MAML2: variants seen among roughly 807,000 people sequenced by gnomAD.
MAML2 encodes mastermind-like protein 2.
In MAML2, 22 loss-of-function variants were observed where a neutral mutation model predicts 96.1. The ratio of observed to expected loss-of-function variants is 0.23; its 90% CI spans 0.16 to 0.33. MAML2 has a LOEUF of 0.33. Ranked by LOEUF, MAML2 falls within the 10% of genes least tolerant of loss-of-function variation. MAML2 has a pLI of 1.00. For synonymous variants in MAML2, 561 were observed against 521.3 expected (o/e 1.08, Z -1.04); for missense variants, 1,367 against 1,392.4 (o/e 0.98, Z 0.29).
rs772854082 is a variant in MAML2 at position 96,092,691 on chromosome 11, G to A, written c.1340C>T (p.Ala447Val). Residue 447 changes from alanine (A) to valine (V), a missense_variant, in exon 2 of 5, where the codon GCC becomes GTC. Transcript: ENST00000524717. The surrounding 1 kb of genome is among the most constrained non-coding windows in gnomAD (Gnocchi z 4.1). ...KQIAANRQQH[A>V]RMQQHQQQHQ... Reference sequence around the variant, plus strand: ...CTGCTGCTGGTGCTGCTGCATCCGGGCATGCTGCTGACGATTAGCAGCTAT... The same window carrying A: ...CTGCTGCTGGTGCTGCTGCATCCGGACATGCTGCTGACGATTAGCAGCTAT... The A allele has an allele frequency of 6.8e-6, 11 of 1,613,900 alleles. No homozygotes were observed. Among genetic ancestry groups the A allele is most frequent in the Non-Finnish European group, 9.3e-6 (11 of 1,179,914 alleles).
At chr11:96,062,141 G>T (rs1204809899) in intron 2 of MAML2, among the ~76,000 whole-genome samples, 1 of 152,080 alleles carries the variant, frequency 6.6e-6, no homozygotes, top group Non-Finnish European at 1.5e-5. Context: ...TGAAAGGGAA[G>T]GTTGGAGTAT....
chr11:96,107,760 A>G (rs190853044), intron 1 of MAML2, among the ~76,000 whole-genome samples: 116 of 152,250 alleles, frequency 7.6e-4, no homozygotes, highest in African/African-American at 2.8e-3. Flanking sequence ...AACCACGTCT[A>G]TGTAATGAGG....
At chr11:96,255,363 A>C (rs964535846) in intron 1 of MAML2, among the ~76,000 whole-genome samples, 15 of 152,214 alleles carry the variant, frequency 9.9e-5, no homozygotes, top group African/African-American at 3.6e-4. Flanking sequence ...CAACCTTTTC[A>C]GGTGTTATCC....
chr11:96,245,604 C>T (rs750887952), intron 1 of MAML2, among the ~76,000 whole-genome samples: 17 of 152,104 alleles, frequency 1.1e-4, no homozygotes, highest in Non-Finnish European at 2.4e-4. Flanking sequence ...ATCTGAAATG[C>T]ACCACGTTTG....
At chr11:96,204,245 G>A (rs1861866046) in intron 1 of MAML2, among the ~76,000 whole-genome samples, 1 of 152,218 alleles carries the variant, frequency 6.6e-6, no homozygotes, top group Non-Finnish European at 1.5e-5. Context: ...GCCCACCCAA[G>A]TTAATTAAAT....
At chr11:96,143,418 C>T (rs1346322931) in intron 1 of MAML2, among the ~76,000 whole-genome samples, 1 of 152,148 alleles carries the variant, frequency 6.6e-6, no homozygotes, top group Non-Finnish European at 1.5e-5. Context: ...GCTCTTGCTC[C>T]TATTATTATG....
intron 1 of MAML2, among the ~76,000 whole-genome samples, chr11:96,146,269 T>G (rs1010459363): frequency 3.9e-5 from 6 of 152,268 alleles, no homozygotes; most frequent in Admixed American, 2.0e-4. Flanking sequence ...AGGAATTCCA[T>G]CTCTTGGGAT....
At position 96,341,728 on chromosome 11, in the gene MAML2, T is replaced by C. The variant is rs766283585; in HGVS notation, c.168A>G (p.Gly56=). The change falls in exon 1 of 5, where the codon GGA becomes GGG. Residue 56 remains glycine, a synonymous_variant. Coordinates refer to ENST00000524717, the MANE Select transcript of MAML2 (RefSeq NM_032427.4). ...VCRQHHLSCE[G]RYERGRAESS... ...TCTCGGCCCTACCTCGTTCATATCG[T>C]CCTTCACAGCTCAGGTGGTGTTGGC... is the stretch of plus-strand genomic sequence containing the variant. 5.1e-5 allele frequency: 83 copies of C among 1,613,060 alleles called. No homozygotes were observed. The East Asian group carries it at 1.2e-3, about 24-fold the overall frequency.
At chr11:96,339,478 C>T (rs1863961992) in intron 1 of MAML2, among the ~76,000 whole-genome samples, 1 of 152,212 alleles carries the variant, frequency 6.6e-6, no homozygotes, top group Non-Finnish European at 1.5e-5. Flanking sequence ...AAACATGCCA[C>T]CTTTCCTTCA....
Position 96,166,171 on chromosome 11 carries a change from T to TCA in MAML2, c.514-72655_514-72654insTG, listed in dbSNP as rs776905938. Among the ~76,000 whole-genome samples the TCA allele has an allele frequency of 2.8e-3, 324 of 117,752 alleles. 2 individuals carry two copies. Among genetic ancestry groups the TCA allele is most frequent in the Admixed American group, 0.016 (198 of 12,024 alleles). 77.2% of individuals were successfully genotyped at this position (117,752 alleles called of 152,430 possible). On this transcript the variant is annotated intron_variant, in intron 1 of 4. Coordinates refer to ENST00000524717, the MANE Select transcript of MAML2 (RefSeq NM_032427.4). Reference sequence around the variant, plus strand: ...CTCTGTCTGTCTCTCTCTCTCTCTCTCTCTCTCACACACACACACACACAC... The same window carrying TCA: ...CTCTGTCTGTCTCTCTCTCTCTCTCTCACTCTCTCACACACACACACACACAC...
In MAML2 at chr11:95,979,010, G is replaced by C. The variant is rs1469032905; in HGVS notation, c.3409C>G (p.Pro1137Ala). 5 of 1,613,822 alleles carry C rather than the reference G, an allele frequency of 3.1e-6. No homozygotes were observed. The Middle Eastern group carries it at 4.9e-4, about 160-fold the overall frequency. The change falls in exon 5 of 5, where the codon CCT becomes GCT. Residue 1137 changes from proline to alanine, a missense_variant. Transcript: ENST00000524717. ...TCTTTCATCCAGTCATCATTACCAG[G>C]CTCTGTCTTCAATAAAGAATCAATG... Reference protein sequence around the residue: ...DFIDSLLKTEPGNDDWMKDIN... With the variant: ...DFIDSLLKTEAGNDDWMKDIN...
chr11:96,230,864 G>A (rs1282693557), intron 1 of MAML2, among the ~76,000 whole-genome samples: 1 of 152,230 alleles, frequency 6.6e-6, no homozygotes, highest in Non-Finnish European at 1.5e-5. Flanking sequence ...GGTGTTGTAA[G>A]AGATCATCAC....
chr11:96,264,461 T>C (rs142552344), intron 1 of MAML2, among the ~76,000 whole-genome samples: 19 of 152,334 alleles, frequency 1.2e-4, no homozygotes, highest in African/African-American at 4.1e-4. Flanking sequence ...ACAAATATGT[T>C]TTACGGCTGG....
chr11:96,093,161 A>G lies in MAML2; in HGVS notation c.870T>C (p.Pro290=), dbSNP rs767806585. ...DGQMTQENIF[P]NRYGDDPGEQ... ...CTCCAGGGTCGTCTCCGTACCTATT[A>G]GGAAAAATATTCTCTTGGGTCATTT... The change falls in exon 2 of 5, where the codon CCT becomes CCC. Residue 290 remains proline, a synonymous_variant. Coordinates refer to ENST00000524717, the MANE Select transcript of MAML2 (RefSeq NM_032427.4). The G allele has an allele frequency of 6.2e-7, 1 of 1,614,020 alleles. No homozygotes were observed. The highest frequency in any genetic ancestry group is 1.1e-5 in the South Asian group (1 of 91,076).
In MAML2 at chr11:96,342,784, T is replaced by G. The variant is rs941440933; in HGVS notation, c.-889A>C. On this transcript the variant is annotated 5_prime_UTR_variant, in exon 1 of 5. Transcript: ENST00000524717. ...TTAAGTCGCTAGCCACTGAGAGAGATCCTTCAACACATTTTTTTCTTTCCC... is the reference window on the plus strand; with the variant it reads ...TTAAGTCGCTAGCCACTGAGAGAGAGCCTTCAACACATTTTTTTCTTTCCC... The G allele has an allele frequency of 6.4e-6, 2 of 313,464 alleles. No homozygotes were observed. The highest frequency in any genetic ancestry group is 4.2e-5 in the African/African-American group (2 of 47,370). 19.4% of individuals were successfully genotyped at this position (313,464 alleles called of 1,614,324 possible).
chr11:95,995,809 G>T (rs1048804005), intron 2 of MAML2, among the ~76,000 whole-genome samples: 6 of 152,092 alleles, frequency 3.9e-5, no homozygotes, highest in African/African-American at 1.4e-4. Flanking sequence ...TCTATCATTT[G>T]CCTGGTCCAT....
intron 2 of MAML2, among the ~76,000 whole-genome samples, chr11:96,089,280 C>T (rs1038556613): frequency 1.1e-4 from 16 of 152,222 alleles, no homozygotes; most frequent in East Asian, 3.9e-4. Flanking sequence ...GATGAGACAA[C>T]GAGAATCAGA....
chr11:96,067,464 A>G (rs1366468280), intron 2 of MAML2, among the ~76,000 whole-genome samples: 1 of 152,214 alleles, frequency 6.6e-6, no homozygotes, highest in Non-Finnish European at 1.5e-5. Context: ...TATTTCAGAG[A>G]GTAAATCTAT....
At chr11:96,137,323 G>C (rs1255457292) in intron 1 of MAML2, among the ~76,000 whole-genome samples, 3 of 152,120 alleles carry the variant, frequency 2.0e-5, no homozygotes, top group Non-Finnish European at 4.4e-5. Context: ...ACTGTTTTTG[G>C]CCTTTGTTTA....
Sources: allele counts gnomAD v4.1 joint callset (sites outside exome capture counted in the v4.1 genomes callset), GRCh38; gene constraint gnomAD v4.1.1; non-coding constraint Gnocchi (gnomAD v3.1); transcripts MANE v1.5; gene names NCBI Gene and HGNC (gene_info 2026-07-23, HGNC 2026-07-21).